Variants in USH2A observed in about 807,000 individuals in gnomAD.
USH2A encodes usherin.
USH2A carries 443 observed loss-of-function variants against 538.9 expected under a neutral mutation model. That is an observed-to-expected ratio of 0.82 (90% CI 0.76 to 0.89). The LOEUF (loss-of-function observed/expected upper bound fraction) is 0.89. Among genes scored for constraint, USH2A ranks in the 40% least tolerant of loss-of-function variants. The pLI is 0.00. For synonymous variants in USH2A, 2,413 were observed against 2,273.5 expected, an observed-to-expected ratio of 1.06 and a Z score of -1.75; for missense variants, 6,633 against 6,324.8, an observed-to-expected ratio of 1.05 and a Z score of -1.65.
rs959968103 is a variant in USH2A, at chr1:215,623,991, G to A, written c.*1790C>T. On this transcript the variant is annotated 3_prime_UTR_variant, in exon 72 of 72. Coordinates refer to ENST00000307340, the MANE Select transcript of USH2A (RefSeq NM_206933.4). ...AAGTAGCTCACAGAAGGTGGACACA[G>A]CCTTGGTTAATGCTTATTTGTGCCA... 6.6e-6 allele frequency: 1 copy of A among 152,150 alleles called. No individual in the cohort carries two copies. The highest frequency in any genetic ancestry group is 1.5e-5 in the Non-Finnish European group (1 of 68,020). 9.4% of individuals were successfully genotyped at this position (152,150 alleles called of 1,614,324 possible).
At chr1:215,849,948 T>C (rs11120668) in intron 44 of USH2A, among the ~76,000 whole-genome samples, 63,684 of 151,678 alleles carry the variant, frequency 0.42, 13,979 homozygotes, top group Admixed American at 0.57. Flanking sequence ...CTTTCTTATA[T>C]CACCAAACAT....
At chr1:216,280,421 C>A in intron 11 of USH2A, among the ~76,000 whole-genome samples, 1 of 151,524 alleles carries the variant, frequency 6.6e-6, no homozygotes, top group Non-Finnish European at 1.5e-5. Flanking sequence ...AGGAAAAATA[C>A]ACAGACTTAC....
chr1:215,999,554 A>G (rs997172882), intron 33 of USH2A, among the ~76,000 whole-genome samples: 10 of 152,200 alleles, frequency 6.6e-5, no homozygotes, highest in Admixed American at 4.6e-4. Flanking sequence ...TTTATTCTTA[A>G]CAGATGGATT....
intron 38 of USH2A, among the ~76,000 whole-genome samples, chr1:215,920,908 C>T (rs1666082393): frequency 6.6e-6 from 1 of 152,076 alleles, no homozygotes; most frequent in South Asian, 2.1e-4. Flanking sequence ...TTCCAGTGAA[C>T]AATTTTCCCA....
chr1:215,677,493 T>G (rs1658072220), intron 62 of USH2A, among the ~76,000 whole-genome samples: 1 of 152,126 alleles, frequency 6.6e-6, no homozygotes, highest in Admixed American at 6.6e-5. Context: ...CTTGCCATTC[T>G]CTCCTCAACC....
At chr1:215,727,666 G>A (rs1348583772) in intron 61 of USH2A, among the ~76,000 whole-genome samples, 6 of 151,968 alleles carry the variant, frequency 3.9e-5, no homozygotes, top group Non-Finnish European at 5.9e-5. Flanking sequence ...CAGAAGCTGT[G>A]GTGAGCTGAG....
chr1:216,106,890 A>G (rs1027668147), intron 21 of USH2A, among the ~76,000 whole-genome samples: 1 of 151,828 alleles, frequency 6.6e-6, no homozygotes, highest in Non-Finnish European at 1.5e-5. Context: ...GGCATTTAGA[A>G]ATGTGTTGTT....
chr1:215,852,989 C>G (rs1234980565), intron 44 of USH2A, among the ~76,000 whole-genome samples: 1 of 152,186 alleles, frequency 6.6e-6, no homozygotes, highest in Admixed American at 6.5e-5. Flanking sequence ...GTCTAGAGGA[C>G]AGTGGCCCTC....
Position 215,933,354 on chromosome 1 carries a change from A to T in USH2A, c.7300+1262T>A, listed in dbSNP as rs534471359. Among the ~76,000 whole-genome samples, 46 of 152,060 alleles carry T rather than the reference A, an allele frequency of 3.0e-4. No homozygotes were observed. The East Asian group carries it at 8.1e-3, about 27-fold the overall frequency. On this transcript the variant is annotated intron_variant, in intron 38 of 71. Transcript: ENST00000307340. ...ATTTTGGGTTTCAGTCTCAATTTTTAAATAAATATATCTAAATTCAATTCC... is the reference window on the plus strand; with the variant it reads ...ATTTTGGGTTTCAGTCTCAATTTTTTAATAAATATATCTAAATTCAATTCC...
intron 49 of USH2A, among the ~76,000 whole-genome samples, chr1:215,807,450 A>G (rs2102787309): frequency 6.6e-6 from 1 of 152,254 alleles, no homozygotes; most frequent in African/African-American, 2.4e-5. Context: ...CTCCAGATAG[A>G]CTTGAAAAAT....
chr1:216,410,721 A>G (rs2039474258), intron 3 of USH2A, among the ~76,000 whole-genome samples: 1 of 152,176 alleles, frequency 6.6e-6, no homozygotes. Flanking sequence ...AGAAAAAGAA[A>G]TCACTGTACC....
intron 38 of USH2A, among the ~76,000 whole-genome samples, chr1:215,924,377 C>A (rs2102491041): frequency 6.6e-6 from 1 of 152,054 alleles, no homozygotes; most frequent in East Asian, 1.9e-4. Flanking sequence ...GAAATATGGT[C>A]TCTAAGTATC....
At chr1:215,987,788 G>T (rs1667906764) in intron 35 of USH2A, among the ~76,000 whole-genome samples, 1 of 152,080 alleles carries the variant, frequency 6.6e-6, no homozygotes, top group African/African-American at 2.4e-5. Context: ...GAAAGAATGA[G>T]GTCACGTTCC....
intron 64 of USH2A, among the ~76,000 whole-genome samples, chr1:215,661,692 T>C (rs1657442384): frequency 1.3e-5 from 2 of 152,200 alleles, no homozygotes; most frequent in South Asian, 4.1e-4. Flanking sequence ...AAGGGATTTC[T>C]TTTTGTAAGA....
chr1:216,273,679 A>G (rs553714859), intron 11 of USH2A, among the ~76,000 whole-genome samples: 93 of 152,172 alleles, frequency 6.1e-4, no homozygotes, highest in African/African-American at 2.1e-3. Context: ...TAAATGCTAT[A>G]TCACTGAAAT....
intron 32 of USH2A, among the ~76,000 whole-genome samples, chr1:216,002,757 AC>A (rs1281840679): frequency 3.9e-5 from 6 of 152,088 alleles, no homozygotes; most frequent in Non-Finnish European, 5.9e-5. Context: ...TAGCTACCCA[AC>A]TTGTAGGTGG....
chr1:216,148,050 A>G (rs1371167353), intron 21 of USH2A, among the ~76,000 whole-genome samples: 1 of 150,818 alleles, frequency 6.6e-6, no homozygotes. Context: ...GAAGCCCCCT[A>G]GACCATCACG....
chr1:216,223,573 G>A (rs952231724), intron 14 of USH2A, among the ~76,000 whole-genome samples: 10 of 152,154 alleles, frequency 6.6e-5, no homozygotes, highest in Admixed American at 3.3e-4. Context: ...GGCCTCAAGT[G>A]TCTTTGCATG....
At chr1:216,044,295 C>A (rs1184162089) in intron 32 of USH2A, among the ~76,000 whole-genome samples, 1 of 152,024 alleles carries the variant, frequency 6.6e-6, no homozygotes, top group African/African-American at 2.4e-5. Flanking sequence ...TTATGATATC[C>A]CATTACATGC....
Sources: gnomAD v4.1 joint callset for allele counts (sites outside exome capture counted in the v4.1 genomes callset) on GRCh38, gnomAD v4.1.1 for gene constraint, MANE v1.5 for transcripts, NCBI Gene and HGNC (gene_info 2026-07-23, HGNC 2026-07-21) for gene names.